The following UQCRC1 variants were observed in gnomAD, a reference collection of about 807,000 sequenced individuals.
The protein encoded by UQCRC1 is ubiquinol-cytochrome c reductase core protein 1.
In UQCRC1, 34 loss-of-function variants were observed where a neutral mutation model predicts 58.0. That is an observed-to-expected ratio of 0.59 (90% CI 0.45 to 0.78). The LOEUF is 0.78. Among genes scored for constraint, UQCRC1 ranks in the 30% least tolerant of loss-of-function variants. The pLI is 0.00. For synonymous variants in UQCRC1, 276 were observed against 248.8 expected, an observed-to-expected ratio of 1.11 and a Z score of -1.03; for missense variants, 610 against 646.0, an observed-to-expected ratio of 0.94 and a Z score of 0.60.
intron 12 of UQCRC1, 105 bp downstream of exon 12, chr3:48,599,529 TG>T: frequency 7.8e-7 from 1 of 1,283,642 alleles, no homozygotes; most frequent in Non-Finnish European, 1.1e-6. Flanking sequence ...GGGCCTTAAC[TG>T]GCTGCTCTGT....
intron 12 of UQCRC1, chr3:48,599,419 G>A: frequency 2.9e-6 from 2 of 693,968 alleles, no homozygotes; most frequent in South Asian, 1.9e-5. Context: ...CGGGTGCAGG[G>A]TATTGATGAA....
intron 2 of UQCRC1, 133 bp from the exon 3 acceptor site, chr3:48,605,989 G>T: frequency 1.3e-6 from 1 of 795,276 alleles, no homozygotes; most frequent in Non-Finnish European, 1.9e-6. Context: ...AGCTGCCCCA[G>T]CAGGACCCCT....
In UQCRC1 at chr3:48,605,865, GA is replaced by G; in HGVS notation, c.211-10del. 3 of 1,613,096 alleles carry G rather than the reference GA, an allele frequency of 1.9e-6. No homozygotes were observed. The highest frequency in any genetic ancestry group is 2.5e-6 in the Non-Finnish European group (3 of 1,179,612). ...TCAATCCACACTCCCACCTGGTCAAGAAGCCACCAGAAAAGGTTACAAACAA... is the reference window on the plus strand; with the variant it reads ...TCAATCCACACTCCCACCTGGTCAAGAGCCACCAGAAAAGGTTACAAACAA... On this transcript the variant is annotated splice_polypyrimidine_tract_variant and intron_variant, in intron 2 of 12. Coordinates refer to ENST00000203407, the MANE Select transcript of UQCRC1 (RefSeq NM_003365.3).
chr3:48,605,817 C>T lies in UQCRC1; in HGVS notation c.250G>A (p.Glu84Lys), dbSNP rs1054814317. The change falls in exon 3 of 13, where the codon GAG (glutamate) becomes AAG (lysine). Residue 84 changes from glutamate to lysine, a missense_variant. Physicochemically the swap from Glu to Lys is moderately conservative, Grantham distance 56 (BLOSUM62 1). Coordinates refer to ENST00000203407, the MANE Select transcript of UQCRC1 (RefSeq NM_003365.3). ...WIDVGSRFET[E>K]KNNGAGYFLE... Reference sequence around the variant, plus strand: ...AAGTAGCCTGCCCCATTATTCTTCTCAGTCTCAAAACGGCTGCCAACATCA... The same window carrying T: ...AAGTAGCCTGCCCCATTATTCTTCTTAGTCTCAAAACGGCTGCCAACATCA... The T allele has an allele frequency of 6.2e-7, 1 of 1,613,990 alleles. No individual in the cohort carries two copies. The highest frequency in any genetic ancestry group is 8.5e-7 in the Non-Finnish European group (1 of 1,179,964).
rs1575511945 is a variant in UQCRC1 at position 48,600,762 on chromosome 3, C to A, written c.1045G>T (p.Ala349Ser). 6.2e-7 allele frequency: 1 copy of A among 1,614,182 alleles called. No individual in the cohort carries two copies. Among genetic ancestry groups the A allele is most frequent in the Admixed American group, 1.7e-5 (1 of 60,034 alleles). Reference protein sequence around the residue: ...QSFQTFSICYAETGLLGAHFV... With the variant: ...QSFQTFSICYSETGLLGAHFV... ...TGTGCACCCAGCAAGCCCGTCTCTG[C>A]ATAGCAGATGCTGAAGGTCTGGAAA... The change falls in exon 9 of 13, where the codon GCA (alanine) becomes TCA (serine). Residue 349 changes from alanine (A) to serine (S), a missense_variant. Physicochemically the swap from Ala to Ser is moderately conservative, Grantham distance 99 (BLOSUM62 1). Transcript: ENST00000203407.
At chr3:48,600,021 C>A (rs768199715) in intron 11 of UQCRC1, 42 bp downstream of exon 11, 2 of 1,610,936 alleles carry the variant, frequency 1.2e-6, no homozygotes, top group Non-Finnish European at 1.7e-6. Flanking sequence ...CAGGTGTCTG[C>A]CAGGCCAAGA....
intron 3 of UQCRC1, 107 bp from the exon 4 acceptor site, chr3:48,604,887 C>G (rs1172003019): frequency 5.4e-6 from 8 of 1,484,688 alleles, no homozygotes; most frequent in Non-Finnish European, 7.3e-6. Context: ...AGGTACCTCC[C>G]TCAGCATAGA....
intron 5 of UQCRC1, 43 bp from the exon 6 acceptor site, chr3:48,603,686 GGAGT>G (rs778051361): frequency 1.3e-6 from 2 of 1,576,156 alleles, no homozygotes; most frequent in South Asian, 2.3e-5. Context: ...CTACCACACT[GGAGT>G]GAGTTGGGGT....
chr3:48,599,773 G>T, intron 11 of UQCRC1, 63 bp from the exon 12 acceptor site: 2 of 1,529,042 alleles, frequency 1.3e-6, no homozygotes, highest in South Asian at 1.1e-5. Context: ...CAGCCAGTCA[G>T]CATCATCCAA....
chr3:48,601,065 C>T lies in UQCRC1; in HGVS notation c.876G>A (p.Glu292=). 6.2e-7 allele frequency: 1 copy of T among 1,609,882 alleles called. No homozygotes were observed. Among genetic ancestry groups the T allele is most frequent in the East Asian group, 2.2e-5 (1 of 44,698 alleles). The part of the protein sequence containing the change: ...LPFAHVAIAV[E]GPGWASPDNV... ...TGTCCGGGCTGGCCCAGCCAGGACC[C>T]TCTACTGCAATGGCCACGTGGGCAA... is the stretch of plus-strand genomic sequence containing the variant. Residue 292 remains glutamate (E), a synonymous_variant, in exon 8 of 13, where the codon GAG becomes GAA. Transcript: ENST00000203407.
chr3:48,600,174 A>G (rs780822393), intron 10 of UQCRC1, 23 bp from the exon 11 acceptor site: 3 of 1,613,038 alleles, frequency 1.9e-6, no homozygotes, highest in Non-Finnish European at 2.5e-6. Flanking sequence ...GAGAAGGCTC[A>G]GAGGTCCACC....
At chr3:48,609,016 G>A in intron 2 of UQCRC1, 146 bp downstream of exon 2, 1 of 1,103,454 alleles carries the variant, frequency 9.1e-7, no homozygotes, top group Admixed American at 2.9e-5. Context: ...CTAGGGTAGG[G>A]AATGGGGCCA....
chr3:48,606,985 A>T (rs964835200), intron 2 of UQCRC1, among the ~76,000 whole-genome samples: 1 of 151,642 alleles, frequency 6.6e-6, no homozygotes, highest in African/African-American at 2.4e-5. Context: ...CAGCCTCCCG[A>T]GTAGCTGGAA....
At position 48,600,097 on chromosome 3, in the gene UQCRC1, C is replaced by T. The variant is rs779551181; in HGVS notation, c.1268G>A (p.Arg423His). 6.2e-6 allele frequency: 10 copies of T among 1,613,998 alleles called. No homozygotes were observed. The highest frequency in any genetic ancestry group is 3.3e-4 in the Middle Eastern group (2 of 6,084). Residue 423 changes from arginine to histidine, a missense_variant, in exon 11 of 13, where the codon CGC (arginine) becomes CAC (histidine). Physicochemically the swap from Arg to His is conservative, Grantham distance 29 (BLOSUM62 0). Transcript: ENST00000203407. ...GCTTTCCCATTCAGCCAGGGGGATG[C>T]GGCGGCCATAGGTCAGGAGGCTGCG... ...IGRSLLTYGR[R>H]IPLAEWESRI... is the part of the protein sequence containing the mutation.
At chr3:48,603,540 G>A (rs910123899) in intron 6 of UQCRC1, 24 bp downstream of exon 6, 2 of 1,611,888 alleles carry the variant, frequency 1.2e-6, no homozygotes, top group Non-Finnish European at 1.7e-6. Flanking sequence ...CACTACCCAG[G>A]ACTTCAGTGA....
At chr3:48,604,554 G>A (rs989210720) in intron 4 of UQCRC1, 97 bp downstream of exon 4, 38 of 1,592,770 alleles carry the variant, frequency 2.4e-5, no homozygotes, top group Middle Eastern at 3.6e-4. Context: ...AAAGCCATAC[G>A]CTAAGGGTAA....
chr3:48,600,386 T>A (rs534403170), intron 10 of UQCRC1, 96 bp downstream of exon 10: 3 of 1,502,634 alleles, frequency 2.0e-6, no homozygotes, highest in Non-Finnish European at 9.2e-7. Context: ...TTCAAAGTTT[T>A]CCTTTCTAAC....
rs375829689 is a variant in UQCRC1, at chr3:48,609,195, C to T, written c.177G>A (p.Val59=). 1 of 1,612,684 alleles carries T rather than the reference C, an allele frequency of 6.2e-7. No individual in the cohort carries two copies. The highest frequency in any genetic ancestry group is 2.2e-5 in the East Asian group (1 of 44,878). The part of the protein sequence containing the change: ...QVSLLDNGLR[V]ASEQSSQPTC... ...TGGGCTGAGAGGACTGCTCGGAGGC[C>T]ACACGCAGGCCGTTGTCCAGCAGGC... Residue 59 remains valine, a synonymous_variant, in exon 2 of 13, where the codon GTG becomes GTA. Transcript: ENST00000203407.
At position 48,609,348 on chromosome 3, in the gene UQCRC1, C is replaced by T. The variant is rs1037407626; in HGVS notation, c.70-46G>A. On this transcript the variant is annotated intron_variant, in intron 1 of 12. Transcript: ENST00000203407. ...GAGTGAGGACTCGGTCAGGGGATCG[C>T]TCCCCACCTCCCAGGTCCTCAGGAG... 19 of 1,577,924 alleles carry T rather than the reference C, an allele frequency of 1.2e-5. No homozygotes were observed. In the Admixed American group the frequency reaches 2.2e-4, roughly 19 times the overall value.
Sources: allele counts gnomAD v4.1 joint callset (sites outside exome capture counted in the v4.1 genomes callset), GRCh38; gene constraint gnomAD v4.1.1; transcripts MANE v1.5; gene names NCBI Gene and HGNC (gene_info 2026-07-23, HGNC 2026-07-21).